The following MBD5 variants were observed in gnomAD, a reference collection of about 807,000 sequenced individuals.
MBD5 encodes methyl-CpG binding domain protein 5.
MBD5 carries 13 observed loss-of-function variants against 117.3 expected under a neutral mutation model. The ratio of observed to expected loss-of-function variants is 0.11; its 90% CI spans 0.07 to 0.18. MBD5 has a LOEUF of 0.18. Among genes scored for constraint, MBD5 ranks in the 10% least tolerant of loss-of-function variants. The pLI is 1.00. For synonymous variants in MBD5, 727 were observed against 766.4 expected (o/e 0.95, Z 0.85); for missense variants, 1,879 against 2,093.8 (o/e 0.90, Z 2.00).
At position 148,333,352 on chromosome 2, in the gene MBD5, A is replaced by T. The variant is rs543915962; in HGVS notation, c.-679-8862A>T. Among the ~76,000 whole-genome samples, 8 of 152,242 alleles carry T rather than the reference A, an allele frequency of 5.3e-5. No individual in the cohort carries two copies. In the South Asian group the frequency reaches 1.7e-3, roughly 32 times the overall value. ...CTGCTGTTTTATCCAGGAACCTAAT[A>T]TTGTTTTATTGAATATCTTTCTTTT... On this transcript the variant is annotated intron_variant, in intron 3 of 13. Transcript: ENST00000642680.
chr2:148,347,244 G>A (rs1036656807), intron 4 of MBD5: 1 of 152,120 alleles, frequency 6.6e-6, no homozygotes, highest in Admixed American at 6.6e-5. Flanking sequence ...GCATGGTGAT[G>A]TGTGCCTATA....
intron 3 of MBD5, among the ~76,000 whole-genome samples, chr2:148,269,522 C>T (rs575264569): frequency 1.3e-4 from 20 of 151,760 alleles, no homozygotes; most frequent in Admixed American, 2.6e-4. Flanking sequence ...ATTTTTCTCA[C>T]AACTTTTAAG....
intron 10 of MBD5, 60 bp downstream of exon 10, chr2:148,486,010 T>A: frequency 6.5e-7 from 1 of 1,532,946 alleles, no homozygotes; most frequent in Non-Finnish European, 9.0e-7. Context: ...TTTAAATACT[T>A]AATTTGGGGG....
intron 3 of MBD5, among the ~76,000 whole-genome samples, chr2:148,235,750 A>C (rs1425099949): frequency 3.3e-5 from 5 of 151,542 alleles, no homozygotes; most frequent in East Asian, 3.9e-4. Context: ...TGTCTTTAAA[A>C]AACAATGCAC....
chr2:148,396,780 C>G (rs535464891), intron 4 of MBD5, among the ~76,000 whole-genome samples: 1 of 152,264 alleles, frequency 6.6e-6, no homozygotes, highest in East Asian at 1.9e-4. Context: ...TTAGCTACAT[C>G]CATTTACTGA....
intron 13 of MBD5, 108 bp downstream of exon 13, chr2:148,510,243 T>G (rs1682177128): frequency 1.3e-6 from 1 of 761,810 alleles, no homozygotes; most frequent in East Asian, 2.7e-5. Context: ...ATAGCAATAC[T>G]AAATTACTAG....
chr2:148,120,221 A>G (rs757885168), intron 1 of MBD5, among the ~76,000 whole-genome samples: 4 of 152,106 alleles, frequency 2.6e-5, no homozygotes, highest in Non-Finnish European at 5.9e-5. Flanking sequence ...ATACATTTTG[A>G]ATTGTAAAGT....
At chr2:148,399,169 G>GT (rs1443159025) in intron 4 of MBD5, among the ~76,000 whole-genome samples, 2 of 152,176 alleles carry the variant, frequency 1.3e-5, no homozygotes, top group African/African-American at 2.4e-5. Context: ...CTTTCAAGTA[G>GT]TTTTTTCCAA....
intron 4 of MBD5, among the ~76,000 whole-genome samples, chr2:148,359,913 A>T (rs1476427318): frequency 6.6e-6 from 1 of 152,166 alleles, no homozygotes; most frequent in African/African-American, 2.4e-5. Flanking sequence ...TAGCAGTTTT[A>T]TTATAGATTA....
chr2:148,021,003 C>A (rs1307692777), upstream of MBD5: 1 of 152,732 alleles, frequency 6.5e-6, no homozygotes, highest in African/African-American at 2.4e-5. Flanking sequence ...CCCCCTCCTC[C>A]TGCCTTCAAC....
chr2:148,340,017 A>G (rs1033022776), intron 3 of MBD5, among the ~76,000 whole-genome samples: 1 of 151,868 alleles, frequency 6.6e-6, no homozygotes, highest in African/African-American at 2.4e-5. Flanking sequence ...CAACATCTCA[A>G]CACTGATTTG....
At chr2:148,494,691 G>T (rs1018888959) in intron 11 of MBD5, among the ~76,000 whole-genome samples, 4 of 152,200 alleles carry the variant, frequency 2.6e-5, no homozygotes, top group Non-Finnish European at 5.9e-5. Context: ...GCCGGGCGCG[G>T]TGGCTCACGC....
chr2:148,484,073 A>C lies in MBD5; in HGVS notation c.3482A>C (p.Lys1161Thr), dbSNP rs1681257739. The part of the protein sequence containing the change: ...NNAGNTPGPA[K>T]LNSNSVVPQL... ...GCTGGGAATACACCTGGTCCAGCTA[A>C]ACTCAACAGTAACTCTGTGGTGCCA... The change falls in exon 9 of 14, where the codon AAA (lysine) becomes ACA (threonine). Residue 1161 changes from lysine to threonine, a missense_variant. Physicochemically the swap from Lys to Thr is moderately conservative, Grantham distance 78 (BLOSUM62 -1). Coordinates refer to ENST00000642680, the MANE Select transcript of MBD5 (RefSeq NM_001378120.1). 6.5e-7 allele frequency: 1 copy of C among 1,546,884 alleles called. No homozygotes were observed. Among genetic ancestry groups the C allele is most frequent in the African/African-American group, 1.4e-5 (1 of 73,018 alleles).
At chr2:148,475,809 A>C (rs1680945275) in intron 8 of MBD5, among the ~76,000 whole-genome samples, 1 of 152,176 alleles carries the variant, frequency 6.6e-6, no homozygotes, top group Admixed American at 6.6e-5. Context: ...ATGCTAAAAA[A>C]TATTCCTATG....
In MBD5 at chr2:148,470,317, A is replaced by G; in HGVS notation, c.2374A>G (p.Asn792Asp). The G allele has an allele frequency of 6.2e-7, 1 of 1,613,922 alleles. No individual in the cohort carries two copies. The highest frequency in any genetic ancestry group is 8.5e-7 in the Non-Finnish European group (1 of 1,179,878). Residue 792 changes from asparagine (N) to aspartate (D), a missense_variant, in exon 8 of 14, where the codon AAC becomes GAC. Physicochemically the swap from Asn to Asp is conservative, Grantham distance 23 (BLOSUM62 1). Transcript: ENST00000642680. Reference sequence around the variant, plus strand: ...AATAAATCAGATTCAGGCTAGCGGGAACTGTGGGATGCTCAGTCAGTCGGG... The same window carrying G: ...AATAAATCAGATTCAGGCTAGCGGGGACTGTGGGATGCTCAGTCAGTCGGG... ...GLINQIQASG[N>D]CGMLSQSGMA...
chr2:148,283,478 G>T (rs1701297845), intron 3 of MBD5, among the ~76,000 whole-genome samples: 1 of 152,106 alleles, frequency 6.6e-6, no homozygotes, highest in Non-Finnish European at 1.5e-5. Flanking sequence ...ACAATATTTA[G>T]CTTTTAGCAA....
chr2:148,095,869 C>A (rs1696056879), intron 1 of MBD5, among the ~76,000 whole-genome samples: 1 of 151,680 alleles, frequency 6.6e-6, no homozygotes, highest in Non-Finnish European at 1.5e-5. Flanking sequence ...CTTAAACCAT[C>A]TTATGTGGGG....
chr2:148,426,001 C>T (rs956360681), intron 4 of MBD5, among the ~76,000 whole-genome samples: 2 of 152,096 alleles, frequency 1.3e-5, no homozygotes, highest in Non-Finnish European at 2.9e-5. Context: ...TTCTTATACA[C>T]CAATAACAGA....
chr2:148,293,986 G>T (rs977138954), intron 3 of MBD5, among the ~76,000 whole-genome samples: 1 of 152,110 alleles, frequency 6.6e-6, no homozygotes, highest in Non-Finnish European at 1.5e-5. Flanking sequence ...GACGAAATAT[G>T]CATTCATTGT....
Sources: allele counts gnomAD v4.1 joint callset (sites outside exome capture counted in the v4.1 genomes callset), GRCh38; gene constraint gnomAD v4.1.1; transcripts MANE v1.5; gene names NCBI Gene and HGNC (gene_info 2026-07-23, HGNC 2026-07-21).